CEP112: variants seen among roughly 807,000 people sequenced by gnomAD.
CEP112 encodes the protein centrosomal protein 112, also known as centrosomal protein of 112 kDa.
Under a neutral mutation model 153.0 loss-of-function variants are expected in CEP112, and 127 were observed. That is an observed-to-expected ratio of 0.83 (90% CI 0.72 to 0.96). The LOEUF (loss-of-function observed/expected upper bound fraction) is 0.96. CEP112 is among the 40% of genes least tolerant of loss of function. The probability of loss-of-function intolerance (pLI) is 0.00; values close to 1 mark genes in which losing one functional copy is unlikely to be tolerated. For missense variants in CEP112, 1,089 were observed against 1,101.2 expected (o/e 0.99, Z 0.16); for synonymous variants, 358 against 374.4 (o/e 0.96, Z 0.51).
chr17:66,178,530 T>C (rs1243911863), intron 2 of CEP112, among the ~76,000 whole-genome samples: 1 of 152,216 alleles, frequency 6.6e-6, no homozygotes, highest in East Asian at 1.9e-4. Flanking sequence ...ACTTTGTTGA[T>C]CGTTTCCTTT....
intron 23 of CEP112, among the ~76,000 whole-genome samples, chr17:65,726,163 A>T (rs751730229): frequency 2.0e-5 from 3 of 151,884 alleles, no homozygotes; most frequent in Non-Finnish European, 2.9e-5. Context: ...ACATGGTGAA[A>T]CCCCGTCTCT....
At chr17:66,090,911 T>A (rs1189842474) in intron 8 of CEP112, among the ~76,000 whole-genome samples, 3 of 152,018 alleles carry the variant, frequency 2.0e-5, no homozygotes, top group African/African-American at 4.8e-5. Flanking sequence ...TAACACTGAC[T>A]TAAAATCAAA....
chr17:66,159,350 C>A (rs773576117), intron 4 of CEP112, among the ~76,000 whole-genome samples: 1 of 152,066 alleles, frequency 6.6e-6, no homozygotes, highest in African/African-American at 2.4e-5. Context: ...ACTCATTTTA[C>A]GAGGCCAGAG....
chr17:65,840,519 A>T (rs2057477755), intron 21 of CEP112, among the ~76,000 whole-genome samples: 1 of 152,128 alleles, frequency 6.6e-6, no homozygotes, highest in African/African-American at 2.4e-5. Context: ...TGGATTGAAG[A>T]CTTAAATGTA....
intron 19 of CEP112, among the ~76,000 whole-genome samples, chr17:65,905,851 G>A (rs36025019): frequency 0.18 from 26,741 of 151,932 alleles, 2,539 homozygotes; most frequent in Admixed American, 0.27. Flanking sequence ...AGGCTGACGC[G>A]GGAGAATGGC....
At chr17:65,908,722 C>G (rs973123682) in intron 19 of CEP112, among the ~76,000 whole-genome samples, 2 of 151,672 alleles carry the variant, frequency 1.3e-5, no homozygotes, top group Non-Finnish European at 2.9e-5. Context: ...GGGTCCTGCT[C>G]CACCCACCAT....
chr17:66,144,530 T>C (rs775960237), intron 4 of CEP112, among the ~76,000 whole-genome samples: 95 of 152,184 alleles, frequency 6.2e-4, no homozygotes, highest in Non-Finnish European at 1.2e-3. Flanking sequence ...CCATCTCTAC[T>C]AAAAATACAA....
At chr17:65,843,720 A>G (rs944966026) in intron 21 of CEP112, among the ~76,000 whole-genome samples, 6 of 152,226 alleles carry the variant, frequency 3.9e-5, no homozygotes, top group African/African-American at 1.4e-4. Flanking sequence ...ACTTAAAATT[A>G]CAGACCAGGA....
chr17:66,034,319 A>T (rs980025252), intron 12 of CEP112, among the ~76,000 whole-genome samples: 3 of 152,220 alleles, frequency 2.0e-5, no homozygotes, highest in African/African-American at 7.2e-5. Flanking sequence ...CATGTTTTAT[A>T]AAAAATAGAG....
intron 21 of CEP112, among the ~76,000 whole-genome samples, chr17:65,757,779 G>T (rs1254340402): frequency 6.6e-6 from 1 of 152,082 alleles, no homozygotes; most frequent in Non-Finnish European, 1.5e-5. Flanking sequence ...AAAATTCATG[G>T]CTAACTTATC....
At chr17:65,675,121 T>G (rs1407496853) in intron 24 of CEP112, among the ~76,000 whole-genome samples, 2 of 151,994 alleles carry the variant, frequency 1.3e-5, no homozygotes, top group Non-Finnish European at 2.9e-5. Context: ...AAATAAAATA[T>G]CCAGAATAAA....
At chr17:66,087,320 C>T (rs1395389271) in intron 8 of CEP112, among the ~76,000 whole-genome samples, 1 of 152,052 alleles carries the variant, frequency 6.6e-6, no homozygotes, top group Non-Finnish European at 1.5e-5. Flanking sequence ...GTGATGATTT[C>T]CTTTCAATTC....
chr17:65,760,451 T>C (rs1476213126), intron 21 of CEP112, among the ~76,000 whole-genome samples: 2 of 152,164 alleles, frequency 1.3e-5, no homozygotes, highest in African/African-American at 4.8e-5. Flanking sequence ...CCTAGTTTGC[T>C]GAGATTTTTT....
intron 21 of CEP112, among the ~76,000 whole-genome samples, chr17:65,783,269 A>G (rs1396634405): frequency 1.3e-5 from 2 of 152,160 alleles, no homozygotes; most frequent in Non-Finnish European, 2.9e-5. Flanking sequence ...TAATAATAAT[A>G]ATGATGATGA....
chr17:65,650,697 A>G (rs1014673545), intron 24 of CEP112, among the ~76,000 whole-genome samples: 2 of 145,628 alleles, frequency 1.4e-5, no homozygotes, highest in Admixed American at 7.1e-5. Flanking sequence ...AGAGTTCAAG[A>G]CCAGCCTAGC....
At position 65,927,631 on chromosome 17, in the gene CEP112, T is replaced by C; in HGVS notation, c.1931A>G (p.Lys644Arg). 1 of 1,602,444 alleles carries C rather than the reference T, an allele frequency of 6.2e-7. No individual in the cohort carries two copies. The highest frequency in any genetic ancestry group is 8.5e-7 in the Non-Finnish European group (1 of 1,176,652). The change falls in exon 19 of 27, where the codon AAG becomes AGG. Residue 644 changes from lysine (K) to arginine (R), a missense_variant. Physicochemically the swap from Lys to Arg is conservative, Grantham distance 26 (BLOSUM62 2). Coordinates refer to ENST00000535342, the MANE Select transcript of CEP112 (RefSeq NM_001199165.4). ...GTCCTCCAGTTGCCATAAAAACTCCTTTGATTGTTTCTCACGAAGAGATTT... is the reference window on the plus strand; with the variant it reads ...GTCCTCCAGTTGCCATAAAAACTCCCTTGATTGTTTCTCACGAAGAGATTT... Reference protein sequence around the residue: ...RSKSLREKQSKEFLWQLEDIR... With the variant: ...RSKSLREKQSREFLWQLEDIR...
At chr17:65,820,412 G>C (rs1055820767) in intron 21 of CEP112, among the ~76,000 whole-genome samples, 1 of 151,938 alleles carries the variant, frequency 6.6e-6, no homozygotes, top group African/African-American at 2.4e-5. Flanking sequence ...AATAAGAAAA[G>C]CTCCCAGAAT....
At chr17:65,740,645 G>C (rs925319748) in intron 23 of CEP112, among the ~76,000 whole-genome samples, 1 of 152,126 alleles carries the variant, frequency 6.6e-6, no homozygotes, top group African/African-American at 2.4e-5. Context: ...GCTTGAAAGA[G>C]GTCAGTTCAT....
At chr17:65,917,914 C>G (rs1392977392) in intron 19 of CEP112, among the ~76,000 whole-genome samples, 1 of 152,112 alleles carries the variant, frequency 6.6e-6, no homozygotes, top group Non-Finnish European at 1.5e-5. Flanking sequence ...CGGTGGCTCA[C>G]GCCTGTAATC....
Sources: gnomAD v4.1 joint callset for allele counts (sites outside exome capture counted in the v4.1 genomes callset) on GRCh38, gnomAD v4.1.1 for gene constraint, MANE v1.5 for transcripts, NCBI Gene and HGNC (gene_info 2026-07-23, HGNC 2026-07-21) for gene names.